Variants in GRIN2D observed in about 807,000 individuals in gnomAD.
GRIN2D encodes glutamate receptor ionotropic, NMDA 2D.
A neutral mutation model predicts 103.2 loss-of-function variants in GRIN2D; 37 were observed. The ratio of observed to expected loss-of-function variants is 0.36; its 90% CI spans 0.28 to 0.47. GRIN2D has a LOEUF of 0.47. Ranked by LOEUF, GRIN2D falls within the 20% of genes least tolerant of loss-of-function variation. The pLI, the probability that GRIN2D is intolerant of heterozygous loss-of-function variation, is 1.00. For synonymous variants in GRIN2D, 845 were observed against 885.6 expected (o/e 0.95, Z 0.81); for missense variants, 1,557 against 1,910.6 (o/e 0.81, Z 3.45).
intron 11 of GRIN2D, among the ~76,000 whole-genome samples, chr19:48,425,119 A>G (rs1971072225): frequency 6.7e-6 from 1 of 149,670 alleles, no homozygotes; most frequent in East Asian, 2.0e-4. Context: ...GAAGGCAGGG[A>G]TGGCTGCAAA....
At chr19:48,425,143 C>G (rs909955171) in intron 11 of GRIN2D, among the ~76,000 whole-genome samples, 1 of 149,104 alleles carries the variant, frequency 6.7e-6, no homozygotes, top group Non-Finnish European at 1.5e-5. Flanking sequence ...AATCACTTTC[C>G]TCTTTTACCC....
Position 48,442,705 on chromosome 19 carries a change from C to G in GRIN2D, c.2779C>G (p.Pro927Ala). ...CGCGTACCCCGCGCCGCGGCCGGCT[C>G]CCGGGCCCGCACCTTTCGTGCCCCG... Reference protein sequence around the residue: ...SPAYPAPRPAPGPAPFVPRER... With the variant: ...SPAYPAPRPAAGPAPFVPRER... The change falls in exon 14 of 14, where the codon CCC becomes GCC. Residue 927 changes from proline (P) to alanine (A), a missense_variant. Around this residue, in one of 7 missense-constraint regions of GRIN2D, gnomAD observed 632 missense variants for 572.8 expected, o/e 1.10. Coordinates refer to ENST00000263269, the MANE Select transcript of GRIN2D (RefSeq NM_000836.4). The surrounding 1 kb of genome is among the most constrained non-coding windows in gnomAD (Gnocchi z 7.2). 1 of 1,154,584 alleles carries G rather than the reference C, an allele frequency of 8.7e-7. No individual in the cohort carries two copies. Among genetic ancestry groups the G allele is most frequent in the Non-Finnish European group, 1.1e-6 (1 of 940,224 alleles). 71.5% of individuals were successfully genotyped at this position (1,154,584 alleles called of 1,614,324 possible). A position where few individuals can be genotyped will look rare whatever the true frequency, so the allele number is the denominator to read the frequency against.
chr19:48,427,340 A>AC (rs1971098403), intron 11 of GRIN2D, among the ~76,000 whole-genome samples: 1 of 146,374 alleles, frequency 6.8e-6, no homozygotes, highest in Non-Finnish European at 1.5e-5. Context: ...AAACAAAACA[A>AC]AACAACAACA....
chr19:48,424,416 G>A (rs1402316784), intron 11 of GRIN2D, among the ~76,000 whole-genome samples: 6 of 150,678 alleles, frequency 4.0e-5, no homozygotes, highest in East Asian at 2.0e-4. Context: ...GACTACAGGC[G>A]CCCACCACCA....
At chr19:48,426,619 C>T (rs1416188469) in intron 11 of GRIN2D, among the ~76,000 whole-genome samples, 1 of 151,144 alleles carries the variant, frequency 6.6e-6, no homozygotes, top group African/African-American at 2.4e-5. Context: ...GAGTTTTCCT[C>T]TGTTGCCCAG....
At chr19:48,437,330 A>C (rs1254674086) in intron 11 of GRIN2D, among the ~76,000 whole-genome samples, 2 of 152,058 alleles carry the variant, frequency 1.3e-5, no homozygotes, top group African/African-American at 2.4e-5. Context: ...TTGTTGCCCA[A>C]GCTGGTCTCG....
chr19:48,398,603 C>G lies in GRIN2D; in HGVS notation c.211C>G (p.Pro71Ala). ...AYAAEAARLG[P>A]AVAAAVRSPG... The stretch of plus-strand genomic sequence containing the variant: ...CGCGGCCGAGGCGGCACGCCTGGGC[C>G]CGGCCGTGGCGGCGGCGGTGCGCAG... Residue 71 changes from proline to alanine, a missense_variant, in exon 3 of 14, where the codon CCG becomes GCG. Coordinates refer to ENST00000263269, the MANE Select transcript of GRIN2D (RefSeq NM_000836.4). 3.2e-6 allele frequency: 4 copies of G among 1,237,128 alleles called. No individual in the cohort carries two copies. Among genetic ancestry groups the G allele is most frequent in the Non-Finnish European group, 4.0e-6 (4 of 989,244 alleles). The allele number at this position is 1,237,128 out of a possible 1,614,324, so 76.6% of individuals were successfully genotyped here. A position where few individuals can be genotyped will look rare whatever the true frequency, so the allele number is the denominator to read the frequency against.
intron 8 of GRIN2D, among the ~76,000 whole-genome samples, chr19:48,417,695 G>A (rs919825646): frequency 8.5e-5 from 13 of 152,184 alleles, no homozygotes; most frequent in Admixed American, 7.9e-4. Context: ...GGAGTGACAA[G>A]GTCCTATTTA....
chr19:48,440,822 G>C (rs1407741261), intron 11 of GRIN2D, among the ~76,000 whole-genome samples: 1 of 152,014 alleles, frequency 6.6e-6, no homozygotes, highest in Admixed American at 6.6e-5. Flanking sequence ...GAGTAGCTGG[G>C]ATTACAGGTG....
At chr19:48,420,020 C>T (rs1207215201) in intron 10 of GRIN2D, among the ~76,000 whole-genome samples, 1 of 151,942 alleles carries the variant, frequency 6.6e-6, no homozygotes, top group Non-Finnish European at 1.5e-5. Flanking sequence ...TCACGATGAG[C>T]TATTTAAAAT....
chr19:48,444,901 T>C lies in GRIN2D; in HGVS notation c.*964T>C, dbSNP rs1971364388. The C allele has an allele frequency of 1.3e-5, 2 of 152,250 alleles. No homozygotes were observed. The highest frequency in any genetic ancestry group is 3.8e-4 in the East Asian group (2 of 5,204). The allele number at this position is 152,250 out of a possible 1,614,324, so 9.4% of individuals were successfully genotyped here. A position where few individuals can be genotyped will look rare whatever the true frequency, so the allele number is the denominator to read the frequency against. ...ACTCTCTTATTCCACATTGCAGTGT[T>C]TGGAATAAACCATGTTTTTATGCCT... On this transcript the variant is annotated 3_prime_UTR_variant, in exon 14 of 14. Transcript: ENST00000263269. This position sits in a 1 kb window ranked among gnomAD's most constrained non-coding sequence, Gnocchi z 5.5.
At chr19:48,420,184 G>A (rs970203658) in intron 10 of GRIN2D, among the ~76,000 whole-genome samples, 4 of 151,326 alleles carry the variant, frequency 2.6e-5, no homozygotes, top group Non-Finnish European at 4.4e-5. Context: ...ATCCCAGCAC[G>A]TTGGGAGGCC....
In GRIN2D at chr19:48,414,187, A is replaced by G; in HGVS notation, c.1200+82A>G. 1.0e-6 allele frequency: 1 copy of G among 956,174 alleles called. No homozygotes were observed. The highest frequency in any genetic ancestry group is 1.4e-5 in the South Asian group (1 of 73,142). 59.2% of individuals were successfully genotyped at this position (956,174 alleles called of 1,614,324 possible). ...GCAGAGGGGGGGCTTGAGGTCGTGGACTAAGAGGGAGGAGGGGACAAGGAG... is the reference window on the plus strand; with the variant it reads ...GCAGAGGGGGGGCTTGAGGTCGTGGGCTAAGAGGGAGGAGGGGACAAGGAG... On this transcript the variant is annotated intron_variant, in intron 5 of 13. Coordinates refer to ENST00000263269, the MANE Select transcript of GRIN2D (RefSeq NM_000836.4). This position sits in a 1 kb window ranked among gnomAD's most constrained non-coding sequence, Gnocchi z 4.6.
At position 48,414,477 on chromosome 19, in the gene GRIN2D, C is replaced by T; in HGVS notation, c.1305C>T (p.Ala435=). 1 of 1,599,974 alleles carries T rather than the reference C, an allele frequency of 6.3e-7. No homozygotes were observed. The highest frequency in any genetic ancestry group is 8.5e-7 in the Non-Finnish European group (1 of 1,173,464). The change falls in exon 6 of 14, where the codon GCC becomes GCT. Residue 435 remains alanine, a synonymous_variant. Coordinates refer to ENST00000263269, the MANE Select transcript of GRIN2D (RefSeq NM_000836.4). This position sits in a 1 kb window ranked among gnomAD's most constrained non-coding sequence, Gnocchi z 4.6. ...PVDDTQHLTV[A]TLEERPFVIV... ...ACGACACGCAGCACCTCACGGTGGC[C>T]ACGCTGGAGGAAAGGCCGTTTGTCA...
chr19:48,415,753 T>C (rs1182827041), intron 7 of GRIN2D, among the ~76,000 whole-genome samples: 1 of 151,978 alleles, frequency 6.6e-6, no homozygotes, highest in Non-Finnish European at 1.5e-5. Flanking sequence ...GACCAAGGCC[T>C]TGAGGTCTTG....
intron 4 of GRIN2D, among the ~76,000 whole-genome samples, chr19:48,409,878 G>A (rs893537166): frequency 2.6e-5 from 4 of 151,676 alleles, no homozygotes; most frequent in African/African-American, 4.8e-5. Context: ...CCTCCCTCCC[G>A]GGTTTAAGTG....
Position 48,421,424 on chromosome 19 carries a change from G to A in GRIN2D, c.2092-361G>A, listed in dbSNP as rs552946684. ...GCCTGGGCAACAAGAGCAAGACTCCGTTTAAAAAAAAAAAAGTGAACTATT... is the reference window on the plus strand; with the variant it reads ...GCCTGGGCAACAAGAGCAAGACTCCATTTAAAAAAAAAAAAGTGAACTATT... On this transcript the variant is annotated intron_variant, in intron 10 of 13. Transcript: ENST00000263269. This position sits in a 1 kb window ranked among gnomAD's most constrained non-coding sequence, Gnocchi z 4.8. Among the ~76,000 whole-genome samples, 145 of 86,200 alleles carry A rather than the reference G, an allele frequency of 1.7e-3. No homozygotes were observed. Among genetic ancestry groups the A allele is most frequent in the African/African-American group, 0.012 (129 of 10,974 alleles). 56.6% of individuals were successfully genotyped at this position (86,200 alleles called of 152,430 possible).
In GRIN2D at chr19:48,443,327, T is replaced by A. The variant is rs764585162; in HGVS notation, c.3401T>A (p.Phe1134Tyr). Residue 1134 changes from phenylalanine (F) to tyrosine (Y), a missense_variant, in exon 14 of 14, where the codon TTC becomes TAC. By Grantham distance (22) the Phe-to-Tyr change is conservative. This residue lies in a region of GRIN2D where 632 missense variants were observed against 572.8 expected (regional missense o/e 1.10). Transcript: ENST00000263269. This position sits in a 1 kb window ranked among gnomAD's most constrained non-coding sequence, Gnocchi z 8.9. The stretch of plus-strand genomic sequence containing the variant: ...CTGGGCGGCCTGGAGCCCTGGTGGT[T>A]CGCCGACTTCCCTTACCCGTATGCC... Reference protein sequence around the residue: ...ASLGGLEPWWFADFPYPYAER... With the variant: ...ASLGGLEPWWYADFPYPYAER... 2 of 1,539,446 alleles carry A rather than the reference T, an allele frequency of 1.3e-6. No individual in the cohort carries two copies. The highest frequency in any genetic ancestry group is 3.7e-5 in the Admixed American group (2 of 53,702).
rs1600967447 is a variant in GRIN2D at position 48,398,665 on chromosome 19, C to T, written c.273C>T (p.Leu91=). The T allele has an allele frequency of 6.9e-7, 1 of 1,451,964 alleles. No individual in the cohort carries two copies. The highest frequency in any genetic ancestry group is 3.1e-5 in the East Asian group (1 of 32,520). 89.9% of individuals were successfully genotyped at this position (1,451,964 alleles called of 1,614,324 possible). The change falls in exon 3 of 14, where the codon CTC becomes CTT. Residue 91 remains leucine (L), a synonymous_variant. Transcript: ENST00000263269. ...ACGTGCGGCCCGTGGCGCTGGTGCT[C>T]AACGGCTCGGACCCGCGCAGCCTCG... ...GLDVRPVALV[L]NGSDPRSLVL...
Sources: gnomAD v4.1 joint callset for allele counts (sites outside exome capture counted in the v4.1 genomes callset) on GRCh38, gnomAD v4.1.1 for gene constraint, gnomAD v4.1.1 regional missense constraint, Gnocchi (gnomAD v3.1) non-coding constraint, MANE v1.5 for transcripts, NCBI Gene and HGNC (gene_info 2026-07-23, HGNC 2026-07-21) for gene names.